OR51D1: variants seen among roughly 807,000 people sequenced by gnomAD.
The protein encoded by OR51D1 is olfactory receptor family 51 subfamily D member 1, also known as olfactory receptor 51D1.
For synonymous variants in OR51D1, 187 were observed against 161.1 expected, an observed-to-expected ratio of 1.16 and a Z score of -1.22; for missense variants, 452 against 396.2, an observed-to-expected ratio of 1.14 and a Z score of -1.20.
In OR51D1 at chr11:4,642,428, C is replaced by T. The variant is rs752577659; in HGVS notation, c.*1663C>T. On this transcript the variant is annotated 3_prime_UTR_variant, in exon 2 of 2. Transcript: ENST00000641817. ...CAACAATTAGCCGGGTGTGATGGCG[C>T]GTGCCTGTAGTCCCAGCTAGTTGGG... 3 of 152,034 alleles carry T rather than the reference C, an allele frequency of 2.0e-5. No homozygotes were observed. The highest frequency in any genetic ancestry group is 2.9e-5 in the Non-Finnish European group (2 of 68,018). The allele number at this position is 152,034 out of a possible 1,614,324, so 9.4% of individuals were successfully genotyped here. A position where few individuals can be genotyped will look rare whatever the true frequency, so the allele number is the denominator to read the frequency against.
Position 4,640,862 on chromosome 11 carries a change from C to A in OR51D1, c.*97C>A. 8.8e-7 allele frequency: 1 copy of A among 1,141,874 alleles called. No homozygotes were observed. Among genetic ancestry groups the A allele is most frequent in the Non-Finnish European group, 1.2e-6 (1 of 806,214 alleles). 70.7% of individuals were successfully genotyped at this position (1,141,874 alleles called of 1,614,324 possible). On this transcript the variant is annotated 3_prime_UTR_variant, in exon 2 of 2. Coordinates refer to ENST00000641817, the MANE Select transcript of OR51D1 (RefSeq NM_001004751.3). ...TGATTAAAGTATCAAACCTATTGTGCTGTCTTCTTCCAGCAATTTAAGTAG... is the reference window on the plus strand; with the variant it reads ...TGATTAAAGTATCAAACCTATTGTGATGTCTTCTTCCAGCAATTTAAGTAG...
rs1246206362 is a variant in OR51D1, at chr11:4,641,183, AG to A, written c.*422del. The A allele has an allele frequency of 6.1e-6, 1 of 165,150 alleles. No individual in the cohort carries two copies. The highest frequency in any genetic ancestry group is 1.3e-5 in the Non-Finnish European group (1 of 75,622). The allele number at this position is 165,150 out of a possible 1,614,324, so 10.2% of individuals were successfully genotyped here. The stretch of plus-strand genomic sequence containing the variant: ...CTAAAGTGGTTACCCAGCCATAATC[AG>A]GGGTTAATGAAGGTATTTGGGGAAT... On this transcript the variant is annotated 3_prime_UTR_variant, in exon 2 of 2. Transcript: ENST00000641817.
chr11:4,640,827 A>G lies in OR51D1; in HGVS notation c.*62A>G, dbSNP rs1281712596. The G allele has an allele frequency of 6.8e-7, 1 of 1,462,084 alleles. No individual in the cohort carries two copies. The highest frequency in any genetic ancestry group is 9.3e-7 in the Non-Finnish European group (1 of 1,079,262). The allele number at this position is 1,462,084 out of a possible 1,614,324, so 90.6% of individuals were successfully genotyped here. A position where few individuals can be genotyped will look rare whatever the true frequency, so the allele number is the denominator to read the frequency against. ...AGATGGGAATATTAGGATCCTATTG[A>G]ATGCCTTGGTGATTAAAGTATCAAA... On this transcript the variant is annotated 3_prime_UTR_variant, in exon 2 of 2. Coordinates refer to ENST00000641817, the MANE Select transcript of OR51D1 (RefSeq NM_001004751.3).
rs1262266289 is a variant in OR51D1, at chr11:4,637,773, C to T, written c.-15+20C>T. ...AGCAAGGCAAGGGGAATTACTTTACCAGGAAAAAAATGTGTGTGAGTGTGT... is the reference window on the plus strand; with the variant it reads ...AGCAAGGCAAGGGGAATTACTTTACTAGGAAAAAAATGTGTGTGAGTGTGT... On this transcript the variant is annotated intron_variant, in intron 1 of 1. Transcript: ENST00000641817. The T allele has an allele frequency of 6.6e-6, 1 of 152,396 alleles. No individual in the cohort carries two copies. The highest frequency in any genetic ancestry group is 2.4e-5 in the African/African-American group (1 of 41,360). The allele number at this position is 152,396 out of a possible 1,614,324, so 9.4% of individuals were successfully genotyped here.
rs1397504785 is a variant in OR51D1, at chr11:4,640,387, G to A, written c.597G>A (p.Lys199=). The stretch of plus-strand genomic sequence containing the variant: ...TCTGTCTGCACCAAGATATTATGAA[G>A]CTGTCCTGTACTGACACCAGGGTCA... The part of the protein sequence containing the change: ...HSFCLHQDIM[K]LSCTDTRVNV... The change falls in exon 2 of 2, where the codon AAG becomes AAA. Residue 199 remains lysine, a synonymous_variant. Transcript: ENST00000641817. 6.2e-7 allele frequency: 1 copy of A among 1,614,154 alleles called. No homozygotes were observed.
Position 4,640,781 on chromosome 11 carries a change from C to T in OR51D1, c.*16C>T, listed in dbSNP as rs756657422. The T allele has an allele frequency of 1.9e-5, 31 of 1,590,976 alleles. No individual in the cohort carries two copies. In the East Asian group the frequency reaches 3.1e-4, roughly 16 times the overall value. On this transcript the variant is annotated 3_prime_UTR_variant, in exon 2 of 2. Coordinates refer to ENST00000641817, the MANE Select transcript of OR51D1 (RefSeq NM_001004751.3). Reference sequence around the variant, plus strand: ...TGGCAAGTGAGACACCTTAGTGTCTCGCTTCTACTACTACTACAGAAGATG... The same window carrying T: ...TGGCAAGTGAGACACCTTAGTGTCTTGCTTCTACTACTACTACAGAAGATG...
rs1403148512 is a variant in OR51D1, at chr11:4,641,505, A to C, written c.*740A>C. On this transcript the variant is annotated 3_prime_UTR_variant, in exon 2 of 2. Coordinates refer to ENST00000641817, the MANE Select transcript of OR51D1 (RefSeq NM_001004751.3). The stretch of plus-strand genomic sequence containing the variant: ...GTGGTAGCTATGTCCTGGCACATGT[A>C]TGTTTCATGAGACGTGTCTCTGATT... The C allele has an allele frequency of 1.3e-5, 2 of 152,414 alleles. No individual in the cohort carries two copies. The highest frequency in any genetic ancestry group is 4.8e-5 in the African/African-American group (2 of 41,404). The allele number at this position is 152,414 out of a possible 1,614,324, so 9.4% of individuals were successfully genotyped here. A position where few individuals can be genotyped will look rare whatever the true frequency, so the allele number is the denominator to read the frequency against.
At position 4,642,422 on chromosome 11, in the gene OR51D1, A is replaced by C. The variant is rs1846979012; in HGVS notation, c.*1657A>C. The C allele has an allele frequency of 6.6e-6, 1 of 152,014 alleles. No individual in the cohort carries two copies. Among genetic ancestry groups the C allele is most frequent in the Admixed American group, 6.6e-5 (1 of 15,256 alleles). The allele number at this position is 152,014 out of a possible 1,614,324, so 9.4% of individuals were successfully genotyped here. A position where few individuals can be genotyped will look rare whatever the true frequency, so the allele number is the denominator to read the frequency against. The stretch of plus-strand genomic sequence containing the variant: ...AAAATACAACAATTAGCCGGGTGTG[A>C]TGGCGCGTGCCTGTAGTCCCAGCTA... On this transcript the variant is annotated 3_prime_UTR_variant, in exon 2 of 2. Transcript: ENST00000641817.
rs768137449 is a variant in OR51D1, at chr11:4,640,675, A to G, written c.885A>G (p.Leu295=). 2.5e-6 allele frequency: 4 copies of G among 1,613,400 alleles called. No homozygotes were observed. Among genetic ancestry groups the G allele is most frequent in the Admixed American group, 1.7e-5 (1 of 59,980 alleles). Residue 295 remains leucine, a synonymous_variant, in exon 2 of 2, where the codon CTA becomes CTG. Coordinates refer to ENST00000641817, the MANE Select transcript of OR51D1 (RefSeq NM_001004751.3). ...TTATGGCTAATACCTACTTGCTGCT[A>G]CCACCTGTAGTCAACCCCCTTGTCT... ...HVVMANTYLL[L]PPVVNPLVYG...
Position 4,640,576 on chromosome 11 carries a change from G to C in OR51D1, c.786G>C (p.Leu262=). ...NTCISHLCAV[L]VFYVPLIGLS... ...GCATCTCCCACCTCTGTGCTGTTCT[G>C]GTCTTCTATGTACCCCTCATTGGGC... The change falls in exon 2 of 2, where the codon CTG becomes CTC. Residue 262 remains leucine, a synonymous_variant. Transcript: ENST00000641817. 6.2e-7 allele frequency: 1 copy of C among 1,613,544 alleles called. No individual in the cohort carries two copies.
chr11:4,640,283 G>A lies in OR51D1; in HGVS notation c.493G>A (p.Gly165Arg). The A allele has an allele frequency of 3.1e-6, 5 of 1,614,166 alleles. No homozygotes were observed. The highest frequency in any genetic ancestry group is 4.2e-6 in the Non-Finnish European group (5 of 1,180,032). The change falls in exon 2 of 2, where the codon GGG (glycine) becomes AGG (arginine). Residue 165 changes from glycine to arginine, a missense_variant. Physicochemically the swap from Gly to Arg is moderately radical, Grantham distance 125. Coordinates refer to ENST00000641817, the MANE Select transcript of OR51D1 (RefSeq NM_001004751.3). Reference sequence around the variant, plus strand: ...GATTGGACTATCTGCCCTGACCAGGGGGTTTGTATTCTTCTTCCCACTGCC... The same window carrying A: ...GATTGGACTATCTGCCCTGACCAGGAGGTTTGTATTCTTCTTCCCACTGCC... ...AKIGLSALTRGFVFFFPLPFI... is the reference protein window; with the variant it reads ...AKIGLSALTRRFVFFFPLPFI...
chr11:4,639,534 G>A (rs2133218746), intron 1 of OR51D1, among the ~76,000 whole-genome samples: 1 of 152,310 alleles, frequency 6.6e-6, no homozygotes, highest in East Asian at 1.9e-4. Context: ...GAGATTCATG[G>A]GACAGTAATA....
rs1002306376 is a variant in OR51D1, at chr11:4,642,390, T to G, written c.*1625T>G. The G allele has an allele frequency of 1.3e-5, 2 of 151,960 alleles. No individual in the cohort carries two copies. The highest frequency in any genetic ancestry group is 2.9e-5 in the Non-Finnish European group (2 of 67,996). The allele number at this position is 151,960 out of a possible 1,614,324, so 9.4% of individuals were successfully genotyped here. A position where few individuals can be genotyped will look rare whatever the true frequency, so the allele number is the denominator to read the frequency against. On this transcript the variant is annotated 3_prime_UTR_variant, in exon 2 of 2. Transcript: ENST00000641817. ...GTATAAAAGTCCTTGGTTCCCCATC[T>G]CTACTAAAAATACAACAATTAGCCG...
rs1450539042 is a variant in OR51D1 at position 4,641,682 on chromosome 11, A to G, written c.*917A>G. 1 of 152,450 alleles carries G rather than the reference A, an allele frequency of 6.6e-6. No homozygotes were observed. Among genetic ancestry groups the G allele is most frequent in the East Asian group, 1.9e-4 (1 of 5,182 alleles). 9.4% of individuals were successfully genotyped at this position (152,450 alleles called of 1,614,324 possible). ...CTTTTCTTCCTATTTGTACTATGTG[A>G]ATGTGGTGCATGAATGTGTGGAATG... On this transcript the variant is annotated 3_prime_UTR_variant, in exon 2 of 2. Coordinates refer to ENST00000641817, the MANE Select transcript of OR51D1 (RefSeq NM_001004751.3).
In OR51D1 at chr11:4,640,143, A is replaced by G. The variant is rs141786655; in HGVS notation, c.353A>G (p.His118Arg). The G allele has an allele frequency of 3.7e-5, 60 of 1,614,190 alleles. No individual in the cohort carries two copies. In the African/African-American group the frequency reaches 7.1e-4, roughly 19 times the overall value. The change falls in exon 2 of 2, where the codon CAT becomes CGT. Residue 118 changes from histidine to arginine, a missense_variant. Transcript: ENST00000641817. Reference protein sequence around the residue: ...NICLAQMFLIHALSAVESAVL... With the variant: ...NICLAQMFLIRALSAVESAVL... Reference sequence around the variant, plus strand: ...TGCCTGGCCCAGATGTTCCTTATCCATGCTCTGTCAGCCGTGGAGTCAGCT... The same window carrying G: ...TGCCTGGCCCAGATGTTCCTTATCCGTGCTCTGTCAGCCGTGGAGTCAGCT...
rs758609001 is a variant in OR51D1 at position 4,640,049 on chromosome 11, T to A, written c.259T>A (p.Ser87Thr). 13 of 1,614,174 alleles carry A rather than the reference T, an allele frequency of 8.1e-6. No individual in the cohort carries two copies. Among genetic ancestry groups the A allele is most frequent in the Non-Finnish European group, 9.3e-6 (11 of 1,180,022 alleles). ...GCTTTCCACTATTGACCTAGTCCTC[T>A]CCTCTATCACCATGCCCAAGATGGC... is the stretch of plus-strand genomic sequence containing the variant. ...AMLSTIDLVLSSITMPKMASL... is the reference protein window; with the variant it reads ...AMLSTIDLVLTSITMPKMASL... The change falls in exon 2 of 2, where the codon TCC becomes ACC. Residue 87 changes from serine to threonine, a missense_variant. Transcript: ENST00000641817.
In OR51D1 at chr11:4,642,313, A is replaced by G. The variant is rs10768139; in HGVS notation, c.*1548A>G. 79,712 of 151,972 alleles carry G rather than the reference A, an allele frequency of 0.52. 22,562 individuals are homozygous for G. Among genetic ancestry groups the G allele is most frequent in the East Asian group, 0.83 (4,263 of 5,150 alleles). The allele number at this position is 151,972 out of a possible 1,614,324, so 9.4% of individuals were successfully genotyped here. On this transcript the variant is annotated 3_prime_UTR_variant, in exon 2 of 2. Transcript: ENST00000641817. ...ACCCTGCCCTCCTGCCTCAATAGCA[A>G]GTCATGGTATCCTCACCTCTCCCTT...
Position 4,640,869 on chromosome 11 carries a change from C to T in OR51D1, c.*104C>T, listed in dbSNP as rs1846960744. 1 of 1,079,086 alleles carries T rather than the reference C, an allele frequency of 9.3e-7. No individual in the cohort carries two copies. The highest frequency in any genetic ancestry group is 2.4e-5 in the Admixed American group (1 of 41,068). The allele number at this position is 1,079,086 out of a possible 1,614,324, so 66.8% of individuals were successfully genotyped here. A position where few individuals can be genotyped will look rare whatever the true frequency, so the allele number is the denominator to read the frequency against. ...AGTATCAAACCTATTGTGCTGTCTT[C>T]TTCCAGCAATTTAAGTAGATCATGT... On this transcript the variant is annotated 3_prime_UTR_variant, in exon 2 of 2. Transcript: ENST00000641817.
rs1363557738 is a variant in OR51D1, at chr11:4,640,293, T to G, written c.503T>G (p.Phe168Cys). 2 of 1,612,762 alleles carry G rather than the reference T, an allele frequency of 1.2e-6. No homozygotes were observed. Among genetic ancestry groups the G allele is most frequent in the East Asian group, 2.2e-5 (1 of 44,882 alleles). Residue 168 changes from phenylalanine to cysteine, a missense_variant, in exon 2 of 2, where the codon TTC (phenylalanine) becomes TGC (cysteine). Transcript: ENST00000641817. ...GLSALTRGFVFFFPLPFILKW... is the reference protein window; with the variant it reads ...GLSALTRGFVCFFPLPFILKW... ...TCTGCCCTGACCAGGGGGTTTGTAT[T>G]CTTCTTCCCACTGCCCTTCATCCTC...
Sources: gnomAD v4.1 joint callset for allele counts (sites outside exome capture counted in the v4.1 genomes callset) on GRCh38, gnomAD v4.1.1 for gene constraint, MANE v1.5 for transcripts, NCBI Gene and HGNC (gene_info 2026-07-23, HGNC 2026-07-21) for gene names.